Variants in GPD1L observed in about 807,000 individuals in gnomAD.
The protein encoded by GPD1L is glycerol-3-phosphate dehydrogenase 1-like protein.
GPD1L carries 17 observed loss-of-function variants against 32.9 expected under a neutral mutation model. That is an observed-to-expected ratio of 0.52 (90% CI 0.35 to 0.78). The LOEUF (loss-of-function observed/expected upper bound fraction) is 0.78. GPD1L is among the 30% of genes least tolerant of loss of function. The probability of loss-of-function intolerance (pLI) is 0.01; values close to 1 mark genes in which losing one functional copy is unlikely to be tolerated. For missense variants in GPD1L, 361 were observed against 447.8 expected (o/e 0.81, Z 1.75); for synonymous variants, 187 against 165.9 (o/e 1.13, Z -0.98).
At position 32,159,138 on chromosome 3, in the gene GPD1L, C is replaced by A. The variant is rs139857375; in HGVS notation, c.852+29C>A. 5.2e-6 allele frequency: 8 copies of A among 1,532,922 alleles called. No homozygotes were observed. In the East Asian group the frequency reaches 9.0e-5, roughly 17 times the overall value. 95.0% of individuals were successfully genotyped at this position (1,532,922 alleles called of 1,614,324 possible). ...GCCCCTCACCTGCTCTCCCGCACCC[C>A]CTCCTTCCTCACTTGAGACTCCTGG... On this transcript the variant is annotated intron_variant, in intron 6 of 7. Transcript: ENST00000282541.
At chr3:32,109,313 G>A (rs936375966) in intron 1 of GPD1L, among the ~76,000 whole-genome samples, 7 of 152,138 alleles carry the variant, frequency 4.6e-5, no homozygotes, top group Non-Finnish European at 7.3e-5. Context: ...GCAAGATGCA[G>A]GACAAGTAGC....
chr3:32,107,425 A>G lies in GPD1L; in HGVS notation c.47+667A>G, dbSNP rs148899534. On this transcript the variant is annotated intron_variant, in intron 1 of 7. Coordinates refer to ENST00000282541, the MANE Select transcript of GPD1L (RefSeq NM_015141.4). ...TTGACTTTAACATTTTATAGAGCAC[A>G]TTAGAAATGTCAGTTCTTCTAGTAC... Among the ~76,000 whole-genome samples, 522 of 152,338 alleles carry G rather than the reference A, an allele frequency of 3.4e-3. 3 individuals carry two copies. The highest frequency in any genetic ancestry group is 0.012 in the African/African-American group (493 of 41,586).
intron 1 of GPD1L, among the ~76,000 whole-genome samples, chr3:32,110,202 G>A (rs1470495961): frequency 6.6e-6 from 1 of 152,238 alleles, no homozygotes; most frequent in Non-Finnish European, 1.5e-5. Context: ...ACAGGCGTAA[G>A]CCACTGCGCC....
At chr3:32,109,454 C>T (rs1263782680) in intron 1 of GPD1L, among the ~76,000 whole-genome samples, 4 of 152,208 alleles carry the variant, frequency 2.6e-5, no homozygotes, top group Admixed American at 6.5e-5. Flanking sequence ...CCTTGGCCCA[C>T]TCCAGCCCAG....
chr3:32,127,978 T>A (rs1700535912), intron 1 of GPD1L, 98 bp from the exon 2 acceptor site: 5 of 858,268 alleles, frequency 5.8e-6, no homozygotes, highest in Non-Finnish European at 9.7e-6. Context: ...AGTGTTTGAA[T>A]CAGAATCAAA....
chr3:32,122,021 G>A (rs1364534071), intron 1 of GPD1L, among the ~76,000 whole-genome samples: 4 of 151,916 alleles, frequency 2.6e-5, no homozygotes, highest in Non-Finnish European at 5.9e-5. Context: ...TGCCCGCCTT[G>A]GCCTCCCAAA....
chr3:32,146,598 C>G (rs766222781), intron 4 of GPD1L, 24 bp from the exon 5 acceptor site: 10 of 1,304,554 alleles, frequency 7.7e-6, no homozygotes, highest in Admixed American at 5.0e-5. Context: ...TTATTAATAT[C>G]CTTGTTGTCT....
intron 7 of GPD1L, among the ~76,000 whole-genome samples, chr3:32,163,844 C>A (rs1459269994): frequency 6.6e-6 from 1 of 152,216 alleles, no homozygotes; most frequent in Non-Finnish European, 1.5e-5. Flanking sequence ...GCAAGACCAA[C>A]ACACAGTTAT....
intron 4 of GPD1L, among the ~76,000 whole-genome samples, chr3:32,141,706 G>C (rs1700747222): frequency 6.6e-6 from 1 of 152,094 alleles, no homozygotes; most frequent in Non-Finnish European, 1.5e-5. Flanking sequence ...ACCATGAGAA[G>C]GTGGAAAAGT....
At chr3:32,123,829 G>A (rs907516172) in intron 1 of GPD1L, among the ~76,000 whole-genome samples, 1 of 144,770 alleles carries the variant, frequency 6.9e-6, no homozygotes, top group Non-Finnish European at 1.6e-5. Flanking sequence ...TAGATAGATA[G>A]ATAGATAGAT....
chr3:32,127,603 A>G (rs1700528703), intron 1 of GPD1L, among the ~76,000 whole-genome samples: 1 of 152,244 alleles, frequency 6.6e-6, no homozygotes, highest in Non-Finnish European at 1.5e-5. Flanking sequence ...AAAGTACTCA[A>G]CAACTGGGCC....
chr3:32,135,167 T>C (rs1218595781), intron 2 of GPD1L, among the ~76,000 whole-genome samples: 1 of 152,166 alleles, frequency 6.6e-6, no homozygotes, highest in African/African-American at 2.4e-5. Context: ...GGAATGTGTA[T>C]GTGTTAGAGG....
rs773334837 is a variant in GPD1L at position 32,128,203 on chromosome 3, G to A, written c.175G>A (p.Asp59Asn). Residue 59 changes from aspartate (D) to asparagine (N), a missense_variant, in exon 2 of 8, where the codon GAC becomes AAC. Transcript: ENST00000282541. ...AAAACTGACAGACATCATAAATAAT[G>A]ACCATGAAAATGTAAAATATCTTCC... ...GRKLTDIINN[D>N]HENVKYLPGH... is the part of the protein sequence containing the mutation. The A allele has an allele frequency of 1.2e-6, 2 of 1,613,738 alleles. No individual in the cohort carries two copies. The highest frequency in any genetic ancestry group is 1.6e-4 in the Middle Eastern group (1 of 6,062).
At chr3:32,115,328 A>G (rs1374070171) in intron 1 of GPD1L, among the ~76,000 whole-genome samples, 10 of 151,982 alleles carry the variant, frequency 6.6e-5, no homozygotes, top group Admixed American at 5.2e-4. Context: ...TCCTTTAGCT[A>G]GACACAGAGT....
At position 32,128,186 on chromosome 3, in the gene GPD1L, C is replaced by G. The variant is rs1053382446; in HGVS notation, c.158C>G (p.Thr53Arg). The G allele has an allele frequency of 3.7e-6, 6 of 1,612,828 alleles. No homozygotes were observed. Among genetic ancestry groups the G allele is most frequent in the African/African-American group, 1.3e-5 (1 of 74,888 alleles). Residue 53 changes from threonine to arginine, a missense_variant, in exon 2 of 8, where the codon ACA (threonine) becomes AGA (arginine). Coordinates refer to ENST00000282541, the MANE Select transcript of GPD1L (RefSeq NM_015141.4). ...FEETVNGRKLTDIINNDHENV... is the reference protein window; with the variant it reads ...FEETVNGRKLRDIINNDHENV... ...GAAACAGTGAATGGCAGAAAACTGA[C>G]AGACATCATAAATAATGACCATGAA...
intron 1 of GPD1L, among the ~76,000 whole-genome samples, chr3:32,125,211 C>T (rs1426276348): frequency 6.6e-6 from 1 of 152,206 alleles, no homozygotes; most frequent in Non-Finnish European, 1.5e-5. Context: ...AATCCAACAG[C>T]TTGGCCAACA....
intron 4 of GPD1L, among the ~76,000 whole-genome samples, chr3:32,143,459 A>T (rs1317865634): frequency 6.6e-6 from 1 of 152,168 alleles, no homozygotes; most frequent in African/African-American, 2.4e-5. Flanking sequence ...ATAAAACAAC[A>T]GGCCAATGGT....
chr3:32,145,922 C>A (rs777236270), intron 4 of GPD1L, among the ~76,000 whole-genome samples: 2 of 152,038 alleles, frequency 1.3e-5, no homozygotes, highest in Non-Finnish European at 2.9e-5. Flanking sequence ...AGTAGTATCA[C>A]GAACCTCACA....
At position 32,129,290 on chromosome 3, in the gene GPD1L, G is replaced by A. The variant is rs115526990; in HGVS notation, c.225+1037G>A. On this transcript the variant is annotated intron_variant, in intron 2 of 7. Coordinates refer to ENST00000282541, the MANE Select transcript of GPD1L (RefSeq NM_015141.4). ...GCATGCACTGTGCATGCAAAGCACCGTGTTGGGTGCTGGGGACAGAAAGAG... is the reference window on the plus strand; with the variant it reads ...GCATGCACTGTGCATGCAAAGCACCATGTTGGGTGCTGGGGACAGAAAGAG... Among the ~76,000 whole-genome samples, 899 of 152,274 alleles carry A rather than the reference G, an allele frequency of 5.9e-3. 11 individuals are homozygous for A. The highest frequency in any genetic ancestry group is 0.02 in the African/African-American group (822 of 41,554).
Sources: allele counts gnomAD v4.1 joint callset (sites outside exome capture counted in the v4.1 genomes callset), GRCh38; gene constraint gnomAD v4.1.1; transcripts MANE v1.5; gene names NCBI Gene and HGNC (gene_info 2026-07-23, HGNC 2026-07-21).